The following DNER variants were observed in gnomAD, a reference collection of about 807,000 sequenced individuals.
DNER encodes delta and Notch-like epidermal growth factor-related receptor.
Under a neutral mutation model 78.2 loss-of-function variants are expected in DNER, and 33 were observed. The ratio of observed to expected loss-of-function variants is 0.42; its 90% CI spans 0.32 to 0.56. The LOEUF (loss-of-function observed/expected upper bound fraction) is 0.56. DNER is among the 20% of genes least tolerant of loss of function. The pLI, the probability that DNER is intolerant of heterozygous loss-of-function variation, is 0.11. For missense variants in DNER, 918 were observed against 975.3 expected (o/e 0.94, Z 0.78); for synonymous variants, 417 against 384.8 (o/e 1.08, Z -0.98).
Position 229,418,153 on chromosome 2 carries a change from C to T in DNER, c.1564G>A (p.Asp522Asn), listed in dbSNP as rs761476040. 2.6e-5 allele frequency: 42 copies of T among 1,614,060 alleles called. No individual in the cohort carries two copies. The South Asian group carries it at 4.5e-4, about 17-fold the overall frequency. Residue 522 changes from aspartate to asparagine, a missense_variant, in exon 9 of 13, where the codon GAC becomes AAC. Physicochemically the swap from Asp to Asn is conservative, Grantham distance 23. Coordinates refer to ENST00000341772, the MANE Select transcript of DNER (RefSeq NM_139072.4). Reference sequence around the variant, plus strand: ...ACACACTCATAGCCATTAACGAGGTCCCTGCAGGTGGCTGCATTCAGGCAT... The same window carrying T: ...ACACACTCATAGCCATTAACGAGGTTCCTGCAGGTGGCTGCATTCAGGCAT... ...APCLNAATCR[D>N]LVNGYECVCL...
At chr2:229,375,178 T>C (rs1426923246) in intron 11 of DNER, among the ~76,000 whole-genome samples, 1 of 152,214 alleles carries the variant, frequency 6.6e-6, no homozygotes. Context: ...GATGGGAAAT[T>C]TCATTTTCAG....
intron 6 of DNER, among the ~76,000 whole-genome samples, chr2:229,508,997 G>A (rs1252683110): frequency 2.0e-5 from 3 of 152,212 alleles, no homozygotes; most frequent in Non-Finnish European, 4.4e-5. Flanking sequence ...GAAAGGAGAG[G>A]TGAAGGGATG....
In DNER at chr2:229,460,237, C is replaced by A. The variant is rs1336823833; in HGVS notation, c.1262-12697G>T. The stretch of plus-strand genomic sequence containing the variant: ...ATGTGCTACCAACTCCTTATAAAAT[C>A]AGAACTCTTAAAATAATTCAGATAT... On this transcript the variant is annotated intron_variant, in intron 7 of 12. Coordinates refer to ENST00000341772, the MANE Select transcript of DNER (RefSeq NM_139072.4). 2.7e-5 allele frequency among the ~76,000 whole-genome samples: 4 copies of A among 147,072 alleles called. No homozygotes were observed. The South Asian group carries it at 8.7e-4, about 32-fold the overall frequency.
intron 4 of DNER, among the ~76,000 whole-genome samples, chr2:229,578,897 C>G (rs189040757): frequency 2.6e-5 from 4 of 152,110 alleles, no homozygotes; most frequent in Admixed American, 2.0e-4. Flanking sequence ...CCCTCTTTTT[C>G]GTTTGAAAGA....
Position 229,557,046 on chromosome 2 carries a change from G to A in DNER, c.848-9954C>T, listed in dbSNP as rs552778333. Among the ~76,000 whole-genome samples, 27 of 152,300 alleles carry A rather than the reference G, an allele frequency of 1.8e-4. No homozygotes were observed. In the South Asian group the frequency reaches 3.3e-3, roughly 19 times the overall value. ...TTAACTTTCATCAAACTGCAGCTGG[G>A]TCAGAAGCAAAGTAGCCCTCAGGAA... On this transcript the variant is annotated intron_variant, in intron 4 of 12. Coordinates refer to ENST00000341772, the MANE Select transcript of DNER (RefSeq NM_139072.4).
At chr2:229,631,101 A>C (rs1015979882) in intron 1 of DNER, among the ~76,000 whole-genome samples, 49 of 152,144 alleles carry the variant, frequency 3.2e-4, no homozygotes, top group Admixed American at 2.3e-3. Context: ...GACAAACATG[A>C]GTATATGTGT....
In DNER at chr2:229,635,361, G is replaced by GAAAAAA. The variant is rs58220819; in HGVS notation, c.277-43479_277-43474dup. On this transcript the variant is annotated intron_variant, in intron 1 of 12. Coordinates refer to ENST00000341772, the MANE Select transcript of DNER (RefSeq NM_139072.4). The stretch of plus-strand genomic sequence containing the variant: ...CTATGGATGCACTAAGGTCCCACAG[G>GAAAAAA]AAAAAAAAAAAAAAAAAAAAAAAAC... Among the ~76,000 whole-genome samples the GAAAAAA allele has an allele frequency of 4.7e-4, 40 of 85,864 alleles. 3 individuals are homozygous for GAAAAAA. In the South Asian group the frequency reaches 6.9e-3, roughly 15 times the overall value. The allele number at this position is 85,864 out of a possible 152,430, so 56.3% of individuals were successfully genotyped here. A position where few individuals can be genotyped will look rare whatever the true frequency, so the allele number is the denominator to read the frequency against.
intron 11 of DNER, among the ~76,000 whole-genome samples, chr2:229,371,319 C>T (rs1341960043): frequency 6.6e-6 from 1 of 152,178 alleles, no homozygotes; most frequent in Non-Finnish European, 1.5e-5. Context: ...TTTGCTGCAT[C>T]CCAGGAGTCT....
chr2:229,544,106 T>G (rs895583236), intron 5 of DNER, among the ~76,000 whole-genome samples: 2 of 152,196 alleles, frequency 1.3e-5, no homozygotes, highest in African/African-American at 4.8e-5. Flanking sequence ...CTTAGCCTCC[T>G]CTTCTTTTCT....
intron 11 of DNER, among the ~76,000 whole-genome samples, chr2:229,368,375 A>C (rs540338891): frequency 4.6e-5 from 7 of 152,156 alleles, no homozygotes; most frequent in South Asian, 2.1e-4. Context: ...AAGAAGAAAA[A>C]ACACACACAC....
intron 11 of DNER, among the ~76,000 whole-genome samples, chr2:229,387,497 A>AAGAAAGAGAGAGAG (rs1365933391): frequency 1.9e-5 from 2 of 103,486 alleles, no homozygotes; most frequent in East Asian, 3.4e-4. Context: ...GAAAGAAAGA[A>AAGAAAGAGAGAGAG]AGAAAGAAAG....
intron 4 of DNER, among the ~76,000 whole-genome samples, chr2:229,577,216 G>A (rs140126921): frequency 6.6e-6 from 1 of 152,292 alleles, no homozygotes; most frequent in East Asian, 1.9e-4. Flanking sequence ...AGATGTACAT[G>A]GGAACTCCCT....
At chr2:229,367,686 C>T (rs1692381631) in intron 11 of DNER, among the ~76,000 whole-genome samples, 1 of 152,136 alleles carries the variant, frequency 6.6e-6, no homozygotes, top group Non-Finnish European at 1.5e-5. Flanking sequence ...TAGAAAATTA[C>T]TTGGCTTCAG....
intron 4 of DNER, among the ~76,000 whole-genome samples, chr2:229,551,195 CAGCTA>C (rs1696728713): frequency 6.6e-6 from 1 of 152,184 alleles, no homozygotes; most frequent in Non-Finnish European, 1.5e-5. Context: ...CATGGCCTCT[CAGCTA>C]TTTCTGTTTG....
rs1699316766 is a variant in DNER, at chr2:229,677,506, G to A, written c.276+36642C>T. 2.6e-5 allele frequency among the ~76,000 whole-genome samples: 4 copies of A among 152,182 alleles called. 1 individual carries two copies. In the South Asian group the frequency reaches 8.3e-4, roughly 31 times the overall value. Reference sequence around the variant, plus strand: ...GAAGTGAAAGAGGGAAGGAGTAGAAGCCAGGTGTAAATTCCCACCTCTCAC... The same window carrying A: ...GAAGTGAAAGAGGGAAGGAGTAGAAACCAGGTGTAAATTCCCACCTCTCAC... On this transcript the variant is annotated intron_variant, in intron 1 of 12. Coordinates refer to ENST00000341772, the MANE Select transcript of DNER (RefSeq NM_139072.4).
chr2:229,527,988 C>T (rs1205806888), intron 5 of DNER, among the ~76,000 whole-genome samples: 1 of 152,260 alleles, frequency 6.6e-6, no homozygotes, highest in Non-Finnish European at 1.5e-5. Context: ...TGCACCAACA[C>T]TTGTCACAAC....
In DNER at chr2:229,585,915, A is replaced by C. The variant is rs761935043; in HGVS notation, c.790T>G (p.Ser264Ala). 4 of 1,614,096 alleles carry C rather than the reference A, an allele frequency of 2.5e-6. No homozygotes were observed. The South Asian group carries it at 4.4e-5, about 18-fold the overall frequency. Residue 264 changes from serine (S) to alanine (A), a missense_variant, in exon 4 of 13, where the codon TCA becomes GCA. Coordinates refer to ENST00000341772, the MANE Select transcript of DNER (RefSeq NM_139072.4). ...TCCTCCAGGAGGACCAGTCCCCCTG[A>C]AGCCTGAAGGGGGGTCACACTTCGT... ...DGRSVTPLQA[S>A]GGLVLLEEML...
Position 229,387,509 on chromosome 2 carries a change from GAGAAAGAAAGAAAGAAAGAA to G in DNER, c.1855+736_1855+755del, listed in dbSNP as rs67136130. Among the ~76,000 whole-genome samples the G allele has an allele frequency of 3.0e-3, 231 of 76,166 alleles. 1 individual carries two copies. Among genetic ancestry groups the G allele is most frequent in the African/African-American group, 9.4e-3 (203 of 21,692 alleles). The allele number at this position is 76,166 out of a possible 152,430, so 50.0% of individuals were successfully genotyped here. A position where few individuals can be genotyped will look rare whatever the true frequency, so the allele number is the denominator to read the frequency against. ...AAAGAAAGAAAGAAAGAAAGAAAGA[GAGAAAGAAAGAAAGAAAGAA>G]AGAAAGAAAGAAAGAAAGAAAGAAA... On this transcript the variant is annotated intron_variant, in intron 11 of 12. Transcript: ENST00000341772.
intron 1 of DNER, among the ~76,000 whole-genome samples, chr2:229,691,956 A>G (rs1219791024): frequency 6.6e-6 from 1 of 152,142 alleles, no homozygotes; most frequent in Admixed American, 6.5e-5. Context: ...TGCTGGCAAT[A>G]TGAATAGTGT....
Sources: gnomAD v4.1 joint callset for allele counts (sites outside exome capture counted in the v4.1 genomes callset) on GRCh38, gnomAD v4.1.1 for gene constraint, MANE v1.5 for transcripts, NCBI Gene and HGNC (gene_info 2026-07-23, HGNC 2026-07-21) for gene names.